Variants in PLD5 observed in about 807,000 individuals in gnomAD.
PLD5 encodes the protein phospholipase D family member 5.
PLD5 carries 36 observed loss-of-function variants against 61.1 expected under a neutral mutation model. That is an observed-to-expected ratio of 0.59 (90% CI 0.45 to 0.78). PLD5 has a LOEUF of 0.78. Among genes scored for constraint, PLD5 ranks in the 30% least tolerant of loss-of-function variants. The pLI is 0.00. For missense variants in PLD5, 515 were observed against 644.4 expected (o/e 0.80, Z 2.17); for synonymous variants, 243 against 242.8 (o/e 1.00, Z -0.01).
intron 1 of PLD5, among the ~76,000 whole-genome samples, chr1:242,405,025 G>A (rs1225453050): frequency 6.6e-6 from 1 of 151,424 alleles, no homozygotes; most frequent in African/African-American, 2.4e-5. Context: ...GATTACAGGT[G>A]TGCACCACCA....
Position 242,107,971 on chromosome 1 carries a change from G to A in PLD5, c.1071-132C>T, listed in dbSNP as rs993997811. 24 of 825,888 alleles carry A rather than the reference G, an allele frequency of 2.9e-5. No homozygotes were observed. In the East Asian group the frequency reaches 4.4e-4, roughly 15 times the overall value. 51.2% of individuals were successfully genotyped at this position (825,888 alleles called of 1,614,324 possible). A position where few individuals can be genotyped will look rare whatever the true frequency, so the allele number is the denominator to read the frequency against. ...TGTAATATATATAAGCAACCTCATCGGAGAGGCTGAAAAACATACAAGCAT... is the reference window on the plus strand; with the variant it reads ...TGTAATATATATAAGCAACCTCATCAGAGAGGCTGAAAAACATACAAGCAT... On this transcript the variant is annotated intron_variant, in intron 7 of 9. Transcript: ENST00000536534.
At chr1:242,335,112 C>T (rs1659425284) in intron 2 of PLD5, among the ~76,000 whole-genome samples, 2 of 151,916 alleles carry the variant, frequency 1.3e-5, no homozygotes, top group Admixed American at 1.3e-4. Context: ...ACCTTTTTCT[C>T]CTGTTATCCT....
At chr1:242,269,357 G>A (rs919806715) in intron 3 of PLD5, among the ~76,000 whole-genome samples, 5 of 151,924 alleles carry the variant, frequency 3.3e-5, no homozygotes, top group African/African-American at 7.2e-5. Flanking sequence ...CAGTAGAGTC[G>A]TATGCAGGAA....
At position 242,395,025 on chromosome 1, in the gene PLD5, G is replaced by GAT. The variant is rs201444647; in HGVS notation, c.190-46784_190-46783insAT. 6.0e-4 allele frequency among the ~76,000 whole-genome samples: 37 copies of GAT among 62,056 alleles called. 1 individual carries two copies. The highest frequency in any genetic ancestry group is 1.2e-3 in the South Asian group (2 of 1,686). The allele number at this position is 62,056 out of a possible 152,430, so 40.7% of individuals were successfully genotyped here. The stretch of plus-strand genomic sequence containing the variant: ...TATATGAATATATATGAATATATAT[G>GAT]TATATATGAATGTATATGTATATAT... On this transcript the variant is annotated intron_variant, in intron 1 of 9. Transcript: ENST00000536534.
intron 5 of PLD5, among the ~76,000 whole-genome samples, chr1:242,151,449 A>C (rs1451463284): frequency 1.3e-5 from 2 of 151,846 alleles, no homozygotes; most frequent in Admixed American, 1.3e-4. Flanking sequence ...GTGGACACGG[A>C]GTTTTTTCCC....
intron 5 of PLD5, among the ~76,000 whole-genome samples, chr1:242,205,245 A>ACTCC (rs1006416048): frequency 6.6e-5 from 10 of 152,226 alleles, no homozygotes; most frequent in African/African-American, 2.2e-4. Context: ...AAACACAAAT[A>ACTCC]GGAGAGGTTA....
Position 242,215,227 on chromosome 1 carries a change from C to CGTCTCT in PLD5, c.735+4760_735+4761insAGAGAC, listed in dbSNP as rs1158604437. The stretch of plus-strand genomic sequence containing the variant: ...TAACTTTTGCATTTATATGATGGCC[C>CGTCTCT]ACAAAAATTAAAACTGATAATGGTT... On this transcript the variant is annotated intron_variant, in intron 5 of 9. Coordinates refer to ENST00000536534, the MANE Select transcript of PLD5 (RefSeq NM_001372062.1). Among the ~76,000 whole-genome samples, 242 of 151,612 alleles carry CGTCTCT rather than the reference C, an allele frequency of 1.6e-3. 10 individuals carry two copies. The highest frequency in any genetic ancestry group is 0.015 in the Admixed American group (227 of 14,912).
intron 2 of PLD5, among the ~76,000 whole-genome samples, chr1:242,308,674 A>T (rs1203257109): frequency 6.6e-6 from 1 of 152,196 alleles, no homozygotes; most frequent in Non-Finnish European, 1.5e-5. Flanking sequence ...AATGAAAAAA[A>T]AATTAAATTC....
At chr1:242,505,909 T>G (rs1041401624) in intron 1 of PLD5, among the ~76,000 whole-genome samples, 5 of 152,044 alleles carry the variant, frequency 3.3e-5, no homozygotes, top group African/African-American at 1.2e-4. Context: ...AGTGTAGGAG[T>G]TGAAAATGAA....
At chr1:242,490,106 T>C (rs765398522) in intron 1 of PLD5, among the ~76,000 whole-genome samples, 36 of 152,340 alleles carry the variant, frequency 2.4e-4, no homozygotes, top group Non-Finnish European at 4.3e-4. Flanking sequence ...ACACAGGAAC[T>C]GTGATATCCA....
intron 4 of PLD5, among the ~76,000 whole-genome samples, chr1:242,250,188 G>T (rs1325136743): frequency 2.0e-5 from 3 of 152,180 alleles, no homozygotes; most frequent in Non-Finnish European, 2.9e-5. Context: ...AAAAATCAAG[G>T]CTCAACCTGA....
chr1:242,258,571 T>C (rs1345173233), intron 4 of PLD5, among the ~76,000 whole-genome samples: 3 of 152,242 alleles, frequency 2.0e-5, no homozygotes, highest in Non-Finnish European at 4.4e-5. Flanking sequence ...AAGTGACAAG[T>C]TGTGACAAAG....
At chr1:242,181,731 C>T (rs147770267) in intron 5 of PLD5, among the ~76,000 whole-genome samples, 17 of 151,848 alleles carry the variant, frequency 1.1e-4, no homozygotes, top group South Asian at 2.1e-4. Context: ...GGCGAGATCT[C>T]GGCTCACTGC....
intron 4 of PLD5, among the ~76,000 whole-genome samples, chr1:242,232,529 T>C (rs1483196085): frequency 1.3e-5 from 2 of 152,168 alleles, no homozygotes; most frequent in African/African-American, 2.4e-5. Flanking sequence ...TTTTTTCTCT[T>C]TGAGTATATA....
Position 242,449,500 on chromosome 1 carries a change from C to T in PLD5, c.189+74588G>A. The T allele has an allele frequency of 4.6e-6, 7 of 1,514,108 alleles. No homozygotes were observed. The South Asian group carries it at 6.2e-5, about 13-fold the overall frequency. The allele number at this position is 1,514,108 out of a possible 1,614,324, so 93.8% of individuals were successfully genotyped here. A position where few individuals can be genotyped will look rare whatever the true frequency, so the allele number is the denominator to read the frequency against. On this transcript the variant is annotated intron_variant, in intron 1 of 9. Coordinates refer to ENST00000536534, the MANE Select transcript of PLD5 (RefSeq NM_001372062.1). ...GTATCACCACCGATTACATTTCAGT[C>T]CCTCAATTGCTGGCCTCAATGCTTT...
intron 1 of PLD5, among the ~76,000 whole-genome samples, chr1:242,498,057 C>T (rs143607961): frequency 0.035 from 5,332 of 152,232 alleles, 147 homozygotes; most frequent in Middle Eastern, 0.054. Context: ...CTCCACCTCC[C>T]GGGTTTAAGC....
intron 3 of PLD5, among the ~76,000 whole-genome samples, chr1:242,284,119 C>CT (rs565165218): frequency 0.02 from 1,554 of 75,946 alleles, 64 homozygotes; most frequent in Non-Finnish European, 0.024. Context: ...TTTCTTTTTC[C>CT]TTTTTTTTTT....
chr1:242,254,515 C>G (rs1396988891), intron 4 of PLD5, among the ~76,000 whole-genome samples: 1 of 152,110 alleles, frequency 6.6e-6, no homozygotes, highest in African/African-American at 2.4e-5. Context: ...ACCAAAAATA[C>G]AAAAATTAGC....
intron 5 of PLD5, among the ~76,000 whole-genome samples, chr1:242,186,413 C>T (rs536078846): frequency 3.2e-4 from 48 of 152,248 alleles, no homozygotes; most frequent in African/African-American, 1.0e-3. Flanking sequence ...GAACTCCTCA[C>T]CTCAAGTGAT....
Sources: gnomAD v4.1 joint callset for allele counts (sites outside exome capture counted in the v4.1 genomes callset) on GRCh38, gnomAD v4.1.1 for gene constraint, MANE v1.5 for transcripts, NCBI Gene and HGNC (gene_info 2026-07-23, HGNC 2026-07-21) for gene names.